The following GATAD2A variants were observed in gnomAD, a reference collection of about 807,000 sequenced individuals.
GATAD2A encodes the protein GATA zinc finger domain containing 2A, also known as transcriptional repressor p66-alpha.
In GATAD2A, 12 loss-of-function variants were observed where a neutral mutation model predicts 68.5. The ratio of observed to expected loss-of-function variants is 0.18; its 90% CI spans 0.11 to 0.28. GATAD2A has a LOEUF of 0.28. Ranked by LOEUF, GATAD2A falls within the 10% of genes least tolerant of loss-of-function variation. GATAD2A has a pLI of 1.00. For synonymous variants in GATAD2A, 410 were observed against 375.3 expected (o/e 1.09, Z -1.07); for missense variants, 755 against 868.5 (o/e 0.87, Z 1.64).
chr19:19,450,845 A>T (rs971454240), intron 1 of GATAD2A, among the ~76,000 whole-genome samples: 1 of 149,682 alleles, frequency 6.7e-6, no homozygotes, highest in Admixed American at 6.7e-5. Flanking sequence ...ATCTCGGCTC[A>T]CTACAACCTC....
At chr19:19,495,654 A>AAAC in intron 5 of GATAD2A, 100 bp from the exon 6 acceptor site, 1 of 1,085,548 alleles carries the variant, frequency 9.2e-7, no homozygotes, top group Non-Finnish European at 1.3e-6. Flanking sequence ...AAAAAAAAAA[A>AAAC]ACTAGTATGT....
chr19:19,400,180 A>G (rs1290723961), intron 1 of GATAD2A, among the ~76,000 whole-genome samples: 1 of 152,220 alleles, frequency 6.6e-6, no homozygotes, highest in Non-Finnish European at 1.5e-5. Flanking sequence ...CTTCCGGTTC[A>G]CAACAGCACT....
rs1425103815 is a variant in GATAD2A at position 19,497,939 on chromosome 19, CCCCA to C, written c.925-503_925-500del. ...AAGAGGTTGGCCTAGGAGCTGCTTC[CCCCA>C]TCGCCCCATAAGGACTCGGGGACTA... On this transcript the variant is annotated intron_variant, in intron 7 of 11. Transcript: ENST00000683918. 2.6e-5 allele frequency among the ~76,000 whole-genome samples: 4 copies of C among 152,248 alleles called. No individual in the cohort carries two copies. In the East Asian group the frequency reaches 7.7e-4, roughly 29 times the overall value.
intron 2 of GATAD2A, among the ~76,000 whole-genome samples, chr19:19,470,152 T>TTA (rs1555712332): frequency 7.3e-6 from 1 of 137,052 alleles, no homozygotes; most frequent in Non-Finnish European, 1.6e-5. Flanking sequence ...TATTTTTTTT[T>TTA]TTGTTTTTTT....
At position 19,505,900 on chromosome 19, in the gene GATAD2A, C is replaced by A. The variant is rs2060846822; in HGVS notation, c.*426C>A. On this transcript the variant is annotated 3_prime_UTR_variant, in exon 12 of 12. Coordinates refer to ENST00000683918, the MANE Select transcript of GATAD2A (RefSeq NM_001384528.1). ...GGCTTCTGAACCGAGCGGGGTGTTT[C>A]ATTTTTTTGCTTTTCCCTGTCTTAG... 2.5e-6 allele frequency: 1 copy of A among 398,902 alleles called. No individual in the cohort carries two copies. The highest frequency in any genetic ancestry group is 1.3e-4 in the South Asian group (1 of 7,560). 24.7% of individuals were successfully genotyped at this position (398,902 alleles called of 1,614,324 possible). A position where few individuals can be genotyped will look rare whatever the true frequency, so the allele number is the denominator to read the frequency against.
intron 1 of GATAD2A, among the ~76,000 whole-genome samples, chr19:19,459,027 T>TAG (rs2057188996): frequency 6.6e-6 from 1 of 152,154 alleles, no homozygotes; most frequent in African/African-American, 2.4e-5. Flanking sequence ...CCTGGACTCA[T>TAG]ACACCTGGGC....
intron 1 of GATAD2A, among the ~76,000 whole-genome samples, chr19:19,416,066 C>T (rs1263398700): frequency 6.6e-6 from 1 of 152,130 alleles, no homozygotes; most frequent in Admixed American, 6.5e-5. Flanking sequence ...TTAAGCCATC[C>T]TCCCACCTTA....
chr19:19,481,233 C>A (rs1600243288), intron 2 of GATAD2A, among the ~76,000 whole-genome samples: 1 of 152,166 alleles, frequency 6.6e-6, no homozygotes, highest in African/African-American at 2.4e-5. Flanking sequence ...CCACACCAGG[C>A]CCTCAGGAGC....
intron 1 of GATAD2A, among the ~76,000 whole-genome samples, chr19:19,456,169 AAAG>A (rs1272322835): frequency 2.8e-4 from 37 of 132,098 alleles, no homozygotes; most frequent in African/African-American, 1.2e-3. Flanking sequence ...AAAAAAAAAA[AAAG>A]AGAGAAAAAG....
intron 2 of GATAD2A, among the ~76,000 whole-genome samples, chr19:19,466,428 G>A (rs962986859): frequency 1.3e-5 from 2 of 152,150 alleles, no homozygotes; most frequent in African/African-American, 2.4e-5. Context: ...TCTGTGGCCC[G>A]TTGCTCTCTC....
intron 2 of GATAD2A, among the ~76,000 whole-genome samples, chr19:19,483,656 C>T (rs2059211493): frequency 6.6e-6 from 1 of 151,850 alleles, no homozygotes; most frequent in Admixed American, 6.6e-5. Context: ...GGTCTGTCAT[C>T]CAGCATGGAG....
rs1244126854 is a variant in GATAD2A, at chr19:19,496,153, C to A, written c.858C>A (p.Ile286=). ...GTGTGCAGATTCAGGGACAGAGGAT[C>A]ATCCAGCAGGGCCTCATCCGCGTCG... ...VPSVQIQGQR[I]IQQGLIRVAN... Residue 286 remains isoleucine, a synonymous_variant, in exon 7 of 12, where the codon ATC becomes ATA. Coordinates refer to ENST00000683918, the MANE Select transcript of GATAD2A (RefSeq NM_001384528.1). The A allele has an allele frequency of 1.2e-6, 2 of 1,613,786 alleles. No homozygotes were observed. The highest frequency in any genetic ancestry group is 3.3e-5 in the Admixed American group (2 of 60,036).
At chr19:19,442,782 A>C (rs1444414485) in intron 1 of GATAD2A, among the ~76,000 whole-genome samples, 3 of 151,970 alleles carry the variant, frequency 2.0e-5, no homozygotes, top group Admixed American at 1.3e-4. Flanking sequence ...AAAAAAAAAA[A>C]AAAAAACCCA....
At chr19:19,490,927 A>G (rs1243114869) in intron 2 of GATAD2A, among the ~76,000 whole-genome samples, 1 of 152,192 alleles carries the variant, frequency 6.6e-6, no homozygotes, top group Non-Finnish European at 1.5e-5. Context: ...ATCATCAGGG[A>G]CAGTTTGCCT....
At chr19:19,411,900 C>G (rs1013758870) in intron 1 of GATAD2A, among the ~76,000 whole-genome samples, 1 of 152,158 alleles carries the variant, frequency 6.6e-6, no homozygotes, top group Non-Finnish European at 1.5e-5. Context: ...GCTTGGTTTT[C>G]TTTATAACAG....
chr19:19,494,617 T>C (rs2060022424), intron 5 of GATAD2A, among the ~76,000 whole-genome samples: 1 of 152,214 alleles, frequency 6.6e-6, no homozygotes, highest in Non-Finnish European at 1.5e-5. Context: ...ACAGAAATCA[T>C]GGCCAACACT....
chr19:19,481,397 C>T (rs941613611), intron 2 of GATAD2A, among the ~76,000 whole-genome samples: 1 of 152,216 alleles, frequency 6.6e-6, no homozygotes, highest in Non-Finnish European at 1.5e-5. Flanking sequence ...GTGGTACAGT[C>T]ATAGCTCACT....
At chr19:19,395,274 G>T (rs1193615403) in intron 1 of GATAD2A, among the ~76,000 whole-genome samples, 1 of 152,080 alleles carries the variant, frequency 6.6e-6, no homozygotes, top group Non-Finnish European at 1.5e-5. Context: ...GGCCAACATG[G>T]CGAAACCCCG....
intron 1 of GATAD2A, among the ~76,000 whole-genome samples, chr19:19,395,756 GTTAC>G (rs1158678532): frequency 1.3e-5 from 2 of 152,148 alleles, no homozygotes; most frequent in Admixed American, 6.6e-5. Flanking sequence ...ATCGTTTGCA[GTTAC>G]TTACAGCTTT....
Sources: gnomAD v4.1 joint callset for allele counts (sites outside exome capture counted in the v4.1 genomes callset) on GRCh38, gnomAD v4.1.1 for gene constraint, MANE v1.5 for transcripts, NCBI Gene and HGNC (gene_info 2026-07-23, HGNC 2026-07-21) for gene names.